WDPCP: variants seen among roughly 807,000 people sequenced by gnomAD.
WDPCP encodes WD repeat containing planar cell polarity effector.
Under a neutral mutation model 93.1 loss-of-function variants are expected in WDPCP, and 71 were observed. The observed-to-expected ratio is 0.76, with a 90% CI of 0.63 to 0.93. The LOEUF is 0.93. Ranked by LOEUF, WDPCP falls within the 40% of genes least tolerant of loss-of-function variation. WDPCP has a pLI of 0.00. For missense variants in WDPCP, 844 were observed against 887.4 expected (o/e 0.95, Z 0.62); for synonymous variants, 315 against 315.0 (o/e 1.00, Z 0.00).
intron 1 of WDPCP, among the ~76,000 whole-genome samples, chr2:63,581,584 T>C (rs2106550031): frequency 1.3e-5 from 2 of 152,318 alleles, no homozygotes; most frequent in Admixed American, 6.5e-5. Flanking sequence ...TTACCCCTAG[T>C]AGCTGAGCAA....
intron 1 of WDPCP, among the ~76,000 whole-genome samples, chr2:63,570,231 A>C (rs939375158): frequency 1.3e-5 from 2 of 152,226 alleles, no homozygotes; most frequent in African/African-American, 4.8e-5. Context: ...CACTGCAATA[A>C]AATGAAATAT....
At chr2:63,447,089 G>T (rs971707810) in intron 6 of WDPCP, among the ~76,000 whole-genome samples, 16 of 152,042 alleles carry the variant, frequency 1.1e-4, no homozygotes, top group Non-Finnish European at 2.9e-5. Context: ...TTTCCCAACT[G>T]CATGATACCT....
upstream of WDPCP, among the ~76,000 whole-genome samples, chr2:63,830,671 A>T (rs529719239): frequency 6.6e-6 from 1 of 152,210 alleles, no homozygotes; most frequent in South Asian, 2.1e-4. Context: ...CTGAATTCTC[A>T]TAACTGGCCA....
chr2:63,494,320 T>C (rs942226806), intron 1 of WDPCP, among the ~76,000 whole-genome samples: 1 of 152,074 alleles, frequency 6.6e-6, no homozygotes, highest in Non-Finnish European at 1.5e-5. Context: ...ATGACGATGA[T>C]GATGATGATG....
chr2:63,786,690 G>A (rs1381437257), intron 2 of WDPCP, among the ~76,000 whole-genome samples: 2 of 152,074 alleles, frequency 1.3e-5, no homozygotes, highest in Non-Finnish European at 2.9e-5. Flanking sequence ...GTTTCATCAA[G>A]TAATACAGAC....
At position 63,548,974 on chromosome 2, in the gene WDPCP, C is replaced by T. The variant is rs184637323; in HGVS notation, c.75+39223G>A. ...ATGAAAATATCATCTGTTGGCCAGG[C>T]GTGGTGGCTCACACCTGTAATCCCA... On this transcript the variant is annotated intron_variant, in intron 1 of 17. Coordinates refer to ENST00000272321, the MANE Select transcript of WDPCP (RefSeq NM_015910.7). 1.4e-4 allele frequency among the ~76,000 whole-genome samples: 22 copies of T among 152,196 alleles called. No individual in the cohort carries two copies. The East Asian group carries it at 2.3e-3, about 16-fold the overall frequency.
the WDPCP span, among the ~76,000 whole-genome samples, chr2:63,839,259 C>A: frequency 6.6e-6 from 1 of 152,204 alleles, no homozygotes; most frequent in African/African-American, 2.4e-5. Context: ...TTATAATAAA[C>A]CTTGTATAAT....
At chr2:63,261,262 G>A (rs539147976) in intron 13 of WDPCP, among the ~76,000 whole-genome samples, 5 of 148,616 alleles carry the variant, frequency 3.4e-5, no homozygotes, top group African/African-American at 1.2e-4. Flanking sequence ...CTACAGCAGT[G>A]TTTTTCAGAC....
chr2:63,187,666 C>T (rs951603566), intron 14 of WDPCP, among the ~76,000 whole-genome samples: 1 of 152,086 alleles, frequency 6.6e-6, no homozygotes, highest in Non-Finnish European at 1.5e-5. Flanking sequence ...ATATTGTGTA[C>T]CAATTAACAT....
chr2:63,277,252 C>T (rs1200066760), intron 13 of WDPCP, among the ~76,000 whole-genome samples: 1 of 152,008 alleles, frequency 6.6e-6, no homozygotes, highest in Non-Finnish European at 1.5e-5. Flanking sequence ...AATAAATCCT[C>T]AAAACACACC....
chr2:63,393,090 T>G (rs1693417274), intron 10 of WDPCP, among the ~76,000 whole-genome samples: 1 of 152,190 alleles, frequency 6.6e-6, no homozygotes, highest in African/African-American at 2.4e-5. Flanking sequence ...CATGCACACA[T>G]GTTTATTGCG....
intron 6 of WDPCP, among the ~76,000 whole-genome samples, chr2:63,454,247 T>G (rs1010280409): frequency 6.6e-5 from 10 of 151,644 alleles, no homozygotes; most frequent in Non-Finnish European, 1.3e-4. Context: ...CAGAGAACTA[T>G]GACAAGGATG....
chr2:63,192,789 C>G (rs1228552080), intron 14 of WDPCP, among the ~76,000 whole-genome samples: 1 of 152,172 alleles, frequency 6.6e-6, no homozygotes, highest in African/African-American at 2.4e-5. Context: ...ATTTTTTAAA[C>G]CTATCTATTC....
At chr2:63,443,915 T>C (rs536572277) in intron 6 of WDPCP, among the ~76,000 whole-genome samples, 1 of 152,242 alleles carries the variant, frequency 6.6e-6, no homozygotes, top group South Asian at 2.1e-4. Flanking sequence ...AAAGCAAATT[T>C]AGATTATGGA....
At chr2:63,276,299 G>C (rs972098169) in intron 13 of WDPCP, among the ~76,000 whole-genome samples, 1 of 152,056 alleles carries the variant, frequency 6.6e-6, no homozygotes, top group Non-Finnish European at 1.5e-5. Flanking sequence ...AACAATTCTG[G>C]TAATATGATA....
chr2:63,654,964 G>C (rs1710149467), intron 2 of WDPCP, among the ~76,000 whole-genome samples: 1 of 152,072 alleles, frequency 6.6e-6, no homozygotes, highest in Non-Finnish European at 1.5e-5. Context: ...TCATGCCTGA[G>C]CCCACTCATC....
At chr2:63,439,656 T>G in intron 7 of WDPCP, 101 bp downstream of exon 7, 1 of 1,016,490 alleles carries the variant, frequency 9.8e-7, no homozygotes, top group Admixed American at 1.8e-5. Context: ...CTTGTTGTGT[T>G]TGCAAGTCCC....
chr2:63,665,766 T>G (rs1049439361), intron 2 of WDPCP, among the ~76,000 whole-genome samples: 1 of 152,206 alleles, frequency 6.6e-6, no homozygotes, highest in African/African-American at 2.4e-5. Context: ...GAAGTTGACA[T>G]GGAGGAAGGG....
chr2:63,610,342 G>T (rs1350035315), intron 3 of WDPCP, among the ~76,000 whole-genome samples: 2 of 152,108 alleles, frequency 1.3e-5, no homozygotes, highest in Middle Eastern at 3.4e-3. Flanking sequence ...TCATGACCCT[G>T]GTAATGTTTC....
Sources: gnomAD v4.1 joint callset for allele counts (sites outside exome capture counted in the v4.1 genomes callset) on GRCh38, gnomAD v4.1.1 for gene constraint, MANE v1.5 for transcripts, NCBI Gene and HGNC (gene_info 2026-07-23, HGNC 2026-07-21) for gene names.